CACNA2D4: variants seen among roughly 807,000 people sequenced by gnomAD.
CACNA2D4 encodes the protein voltage-dependent calcium channel subunit alpha-2/delta-4.
CACNA2D4 carries 157 observed loss-of-function variants against 163.8 expected under a neutral mutation model. That is an observed-to-expected ratio of 0.96 (90% CI 0.84 to 1.09). CACNA2D4 has a LOEUF of 1.09. Among genes scored for constraint, CACNA2D4 ranks in the 50% least tolerant of loss-of-function variants. The probability of loss-of-function intolerance (pLI) is 0.00; values close to 1 mark genes in which losing one functional copy is unlikely to be tolerated. For synonymous variants in CACNA2D4, 598 were observed against 586.9 expected (o/e 1.02, Z -0.27); for missense variants, 1,410 against 1,479.9 (o/e 0.95, Z 0.78).
In CACNA2D4 at chr12:1,914,899, C is replaced by T. The variant is rs1866926542; in HGVS notation, c.264G>A (p.Leu88=). ...CTGAGTATTTGGTCACAGTGTTATA[C>T]AGGTCCCCGCCGAAGGTGTCAGCCC... ...KLWADTFGGD[L]YNTVTKYSGS... is the part of the protein sequence containing the mutation. Residue 88 remains leucine, a synonymous_variant, in exon 2 of 38, where the codon CTG becomes CTA. Coordinates refer to ENST00000382722, the MANE Select transcript of CACNA2D4 (RefSeq NM_172364.5). 1.9e-6 allele frequency: 3 copies of T among 1,613,834 alleles called. No homozygotes were observed. Among genetic ancestry groups the T allele is most frequent in the Non-Finnish European group, 2.5e-6 (3 of 1,179,762 alleles).
intron 26 of CACNA2D4, among the ~76,000 whole-genome samples, chr12:1,832,213 C>T (rs769848467): frequency 1.3e-5 from 2 of 152,146 alleles, no homozygotes; most frequent in Non-Finnish European, 2.9e-5. Context: ...GCCAGGTCTG[C>T]GTCTGAATTT....
intron 4 of CACNA2D4, among the ~76,000 whole-genome samples, chr12:1,908,763 ACTGCCT>A (rs1302774981): frequency 6.7e-5 from 7 of 105,220 alleles, no homozygotes; most frequent in South Asian, 7.3e-4. Flanking sequence ...CCCACGCCGG[ACTGCCT>A]CACGGACATC....
intron 26 of CACNA2D4, chr12:1,831,326 C>G: frequency 7.4e-6 from 12 of 1,613,866 alleles, no homozygotes; most frequent in Non-Finnish European, 9.3e-6. Context: ...ACGGCCTGGC[C>G]CAGTTGCCCC....
intron 18 of CACNA2D4, among the ~76,000 whole-genome samples, chr12:1,870,726 T>G (rs1865751964): frequency 6.6e-6 from 1 of 151,664 alleles, no homozygotes; most frequent in African/African-American, 2.4e-5. Flanking sequence ...CTTTTAAGGC[T>G]GAAGTAAAAG....
At position 1,794,671 on chromosome 12, in the gene CACNA2D4, T is replaced by C. The variant is rs915699691; in HGVS notation, c.3309+628A>G. Among the ~76,000 whole-genome samples the C allele has an allele frequency of 1.5e-4, 23 of 152,040 alleles. 2 individuals are homozygous for C. Among genetic ancestry groups the C allele is most frequent in the Non-Finnish European group, 1.5e-5 (1 of 67,994 alleles). On this transcript the variant is annotated intron_variant, in intron 37 of 37. Coordinates refer to ENST00000382722, the MANE Select transcript of CACNA2D4 (RefSeq NM_172364.5). ...AAAGGACGCAGGTCAGGCGGCTGAG[T>C]GGAAGAGACACGTAGGCCAAGGCAC... is the stretch of plus-strand genomic sequence containing the variant.
rs1285163382 is a variant in CACNA2D4 at position 1,818,537 on chromosome 12, C to G, written c.2552-6814G>C. 1.3e-5 allele frequency among the ~76,000 whole-genome samples: 2 copies of G among 151,634 alleles called. 1 individual carries two copies. The highest frequency in any genetic ancestry group is 4.9e-5 in the African/African-American group (2 of 40,972). On this transcript the variant is annotated intron_variant, in intron 26 of 37. Transcript: ENST00000382722. The stretch of plus-strand genomic sequence containing the variant: ...AGGGTTAAATGGATTAAGGGCGGTG[C>G]AAGATGTGCTTTGTTAAACAGATGC...
At position 1,828,350 on chromosome 12, in the gene CACNA2D4, G is replaced by T; in HGVS notation, c.2551+12389C>A. ...TACGCCAGATCTTCCTGGGGTACCC[G>T]AGGCTATGTTCTGGGAAGCCAGGGT... On this transcript the variant is annotated intron_variant, in intron 26 of 37. Coordinates refer to ENST00000382722, the MANE Select transcript of CACNA2D4 (RefSeq NM_172364.5). The surrounding 1 kb of genome is among the most constrained non-coding windows in gnomAD (Gnocchi z 4.2). The T allele has an allele frequency of 1.4e-6, 1 of 732,362 alleles. No individual in the cohort carries two copies. The highest frequency in any genetic ancestry group is 2.2e-5 in the South Asian group (1 of 44,778). 45.4% of individuals were successfully genotyped at this position (732,362 alleles called of 1,614,324 possible). A position where few individuals can be genotyped will look rare whatever the true frequency, so the allele number is the denominator to read the frequency against.
chr12:1,810,824 C>T (rs900261115), intron 27 of CACNA2D4, among the ~76,000 whole-genome samples: 5 of 151,952 alleles, frequency 3.3e-5, no homozygotes, highest in African/African-American at 9.7e-5. Context: ...GGTGTCTGTA[C>T]GTGGAGGGCA....
At chr12:1,891,608 G>A (rs998380040) in intron 6 of CACNA2D4, among the ~76,000 whole-genome samples, 7 of 151,350 alleles carry the variant, frequency 4.6e-5, no homozygotes, top group African/African-American at 1.2e-4. Flanking sequence ...ATATAATACC[G>A]GAAAATGAAT....
intron 18 of CACNA2D4, among the ~76,000 whole-genome samples, chr12:1,863,072 T>C (rs945782661): frequency 3.9e-5 from 6 of 152,228 alleles, no homozygotes; most frequent in South Asian, 2.1e-4. Flanking sequence ...AGCTTTTACA[T>C]TGAAGGTTAT....
intron 26 of CACNA2D4, among the ~76,000 whole-genome samples, chr12:1,839,058 A>G (rs1864954804): frequency 6.6e-6 from 1 of 152,178 alleles, no homozygotes; most frequent in Admixed American, 6.5e-5. Context: ...CTTATCCCAG[A>G]GTGGCACACA....
intron 4 of CACNA2D4, 128 bp downstream of exon 4, chr12:1,909,778 G>T: frequency 1.4e-6 from 1 of 733,424 alleles, no homozygotes. Flanking sequence ...TGCCTGTGAG[G>T]GGTGAGCAGT....
chr12:1,811,879 T>A, intron 26 of CACNA2D4, 156 bp from the exon 27 acceptor site: 1 of 654,178 alleles, frequency 1.5e-6, no homozygotes, highest in East Asian at 2.9e-5. Context: ...CAAACTGGGG[T>A]TTCTGGGGAG....
chr12:1,813,472 G>A (rs894534078), intron 26 of CACNA2D4, among the ~76,000 whole-genome samples: 3 of 152,226 alleles, frequency 2.0e-5, no homozygotes, highest in Non-Finnish European at 4.4e-5. Context: ...CGTGGCTACT[G>A]AGAACTCGGA....
At chr12:1,794,831 C>T (rs934365253) in intron 37 of CACNA2D4, among the ~76,000 whole-genome samples, 1 of 152,130 alleles carries the variant, frequency 6.6e-6, no homozygotes, top group Non-Finnish European at 1.5e-5. Flanking sequence ...AGTCTCCAGC[C>T]CCCTTCCTTT....
chr12:1,792,012 C>G lies in CACNA2D4; in HGVS notation c.*1643G>C, dbSNP rs972324751. 6.6e-6 allele frequency: 1 copy of G among 152,250 alleles called. No individual in the cohort carries two copies. The highest frequency in any genetic ancestry group is 2.4e-5 in the African/African-American group (1 of 41,460). The allele number at this position is 152,250 out of a possible 1,614,324, so 9.4% of individuals were successfully genotyped here. A position where few individuals can be genotyped will look rare whatever the true frequency, so the allele number is the denominator to read the frequency against. Reference sequence around the variant, plus strand: ...GCGTTTAGTATATGCCAGGCAGTTTCAAGCATGTTACGTGAATACATCACA... The same window carrying G: ...GCGTTTAGTATATGCCAGGCAGTTTGAAGCATGTTACGTGAATACATCACA... On this transcript the variant is annotated 3_prime_UTR_variant, in exon 38 of 38. Transcript: ENST00000382722.
chr12:1,869,344 G>C lies in CACNA2D4; in HGVS notation c.1878+5260C>G, dbSNP rs1254187510. On this transcript the variant is annotated intron_variant, in intron 18 of 37. Transcript: ENST00000382722. The surrounding 1 kb of genome is among the most constrained non-coding windows in gnomAD (Gnocchi z 4.7). The stretch of plus-strand genomic sequence containing the variant: ...CCACTCTTTGCTGTAACCTACCGTC[G>C]TGCTTTCTAGGCATGGGCCGAAGCC... Among the ~76,000 whole-genome samples, 2 of 152,198 alleles carry C rather than the reference G, an allele frequency of 1.3e-5. No individual in the cohort carries two copies. The highest frequency in any genetic ancestry group is 1.3e-4 in the Admixed American group (2 of 15,280).
At chr12:1,900,988 A>C (rs1866523936) in intron 6 of CACNA2D4, among the ~76,000 whole-genome samples, 1 of 152,248 alleles carries the variant, frequency 6.6e-6, no homozygotes, top group African/African-American at 2.4e-5. Context: ...AAATTGAAAT[A>C]ACATAAAGTA....
chr12:1,869,197 C>G lies in CACNA2D4; in HGVS notation c.1878+5407G>C, dbSNP rs1865718222. 6.6e-6 allele frequency among the ~76,000 whole-genome samples: 1 copy of G among 152,220 alleles called. No individual in the cohort carries two copies. The highest frequency in any genetic ancestry group is 6.5e-5 in the Admixed American group (1 of 15,278). On this transcript the variant is annotated intron_variant, in intron 18 of 37. Coordinates refer to ENST00000382722, the MANE Select transcript of CACNA2D4 (RefSeq NM_172364.5). This position sits in a 1 kb window ranked among gnomAD's most constrained non-coding sequence, Gnocchi z 4.7. ...GCTAAGCTGGAACTACACTTCCAGA[C>G]TCAATGCCCAGTGTGGTTTCGAGTC...
Sources: gnomAD v4.1 joint callset for allele counts (sites outside exome capture counted in the v4.1 genomes callset) on GRCh38, gnomAD v4.1.1 for gene constraint, Gnocchi (gnomAD v3.1) non-coding constraint, MANE v1.5 for transcripts, NCBI Gene and HGNC (gene_info 2026-07-23, HGNC 2026-07-21) for gene names.